Variants in TBCK observed in about 807,000 individuals in gnomAD.
TBCK encodes TBC domain-containing protein kinase-like protein.
TBCK carries 99 observed loss-of-function variants against 113.4 expected under a neutral mutation model. The observed-to-expected ratio is 0.87, with a 90% CI of 0.74 to 1.03. The LOEUF (loss-of-function observed/expected upper bound fraction) is 1.03, where lower values mean the gene tolerates loss of function less well. Ranked by LOEUF, TBCK falls within the 50% of genes least tolerant of loss-of-function variation. The pLI is 0.00. For synonymous variants in TBCK, 369 were observed against 370.8 expected, an observed-to-expected ratio of 1.00 and a Z score of 0.05; for missense variants, 1,045 against 1,061.3, an observed-to-expected ratio of 0.98 and a Z score of 0.21.
At chr4:106,230,288 T>G (rs555600041) in intron 19 of TBCK, 75 bp downstream of exon 19, 12 of 933,692 alleles carry the variant, frequency 1.3e-5, no homozygotes, top group Middle Eastern at 2.8e-4. Flanking sequence ...AATCTTAAAT[T>G]TAATCAAATA....
chr4:106,278,558 CAAAAAAAA>C (rs376599844), intron 3 of TBCK, among the ~76,000 whole-genome samples: 16 of 22,136 alleles, frequency 7.2e-4, no homozygotes, highest in Non-Finnish European at 7.5e-4. Flanking sequence ...AACTCTGTCT[CAAAAAAAA>C]AAAAAAAAAA....
At chr4:106,276,153 G>A (rs932226911) in intron 3 of TBCK, among the ~76,000 whole-genome samples, 2 of 152,046 alleles carry the variant, frequency 1.3e-5, no homozygotes, top group South Asian at 4.1e-4. Context: ...GGCACCAAAG[G>A]AATGCAATCA....
chr4:106,077,490 G>A (rs1166104009), intron 25 of TBCK, among the ~76,000 whole-genome samples: 1 of 152,114 alleles, frequency 6.6e-6, no homozygotes, highest in Non-Finnish European at 1.5e-5. Context: ...TAGGTAAATA[G>A]AAAACAGAAA....
rs1733944423 is a variant in TBCK at position 106,042,849 on chromosome 4, G to A, written c.*3721C>T. 1 of 152,130 alleles carries A rather than the reference G, an allele frequency of 6.6e-6. No individual in the cohort carries two copies. Among genetic ancestry groups the A allele is most frequent in the Admixed American group, 6.5e-5 (1 of 15,286 alleles). 9.4% of individuals were successfully genotyped at this position (152,130 alleles called of 1,614,324 possible). A position where few individuals can be genotyped will look rare whatever the true frequency, so the allele number is the denominator to read the frequency against. ...GACTTTCCACTGAACAACTCTGTCT[G>A]TAACAGATTTTTCTTCCTTCATCAA... On this transcript the variant is annotated 3_prime_UTR_variant, in exon 26 of 26. Coordinates refer to ENST00000394708, the MANE Select transcript of TBCK (RefSeq NM_001163435.3).
chr4:106,155,688 A>T lies in TBCK; in HGVS notation c.2235+15407T>A, dbSNP rs139264187. The stretch of plus-strand genomic sequence containing the variant: ...AGAGGACTGTGATGCATTCTTCAGT[A>T]TGCCAATTGCACTTTTTCAAGTATA... On this transcript the variant is annotated intron_variant, in intron 23 of 25. Transcript: ENST00000394708. Among the ~76,000 whole-genome samples, 766 of 152,202 alleles carry T rather than the reference A, an allele frequency of 5.0e-3. 4 individuals carry two copies. The highest frequency in any genetic ancestry group is 0.018 in the African/African-American group (737 of 41,534).
intron 19 of TBCK, among the ~76,000 whole-genome samples, chr4:106,215,300 G>A (rs1263833045): frequency 6.6e-6 from 1 of 151,642 alleles, no homozygotes; most frequent in Non-Finnish European, 1.5e-5. Flanking sequence ...CGAAGAAACT[G>A]CATCAACTAA....
At chr4:106,107,687 G>T (rs902236021) in intron 24 of TBCK, among the ~76,000 whole-genome samples, 4 of 152,168 alleles carry the variant, frequency 2.6e-5, no homozygotes, top group African/African-American at 7.2e-5. Context: ...AAGTTAGAAA[G>T]ATGTTAAATT....
chr4:106,171,116 T>A lies in TBCK; in HGVS notation c.2214A>T (p.Pro738=). Residue 738 remains proline (P), a synonymous_variant, in exon 23 of 26, where the codon CCA becomes CCT. Transcript: ENST00000394708. ...ATACCAGATCTGTCTTTGGAGGATC[T>A]GGACACTCAGCAGAGAAATAAGGTG... ...SSAPYFSAEC[P]DPPKTDLSRE... 1.2e-6 allele frequency: 2 copies of A among 1,610,130 alleles called. No homozygotes were observed. Among genetic ancestry groups the A allele is most frequent in the Non-Finnish European group, 1.7e-6 (2 of 1,178,734 alleles).
chr4:106,252,014 TG>T lies in TBCK; in HGVS notation c.456-8del, dbSNP rs1560912050. 6.3e-7 allele frequency: 1 copy of T among 1,586,390 alleles called. No homozygotes were observed. On this transcript the variant is annotated splice_polypyrimidine_tract_variant and splice_region_variant and intron_variant, in intron 5 of 25. Transcript: ENST00000394708. The stretch of plus-strand genomic sequence containing the variant: ...GGCCAAGTACGAGGGATACCTGTAA[TG>T]ATACATTAAAATAATGAAAAATTAC...
At chr4:106,310,959 GA>G (rs1768137239) in intron 1 of TBCK, among the ~76,000 whole-genome samples, 1 of 151,924 alleles carries the variant, frequency 6.6e-6, no homozygotes, top group Non-Finnish European at 1.5e-5. Flanking sequence ...AGAATAAAGA[GA>G]AATGGCCAAT....
chr4:106,199,438 G>C (rs1754629771), intron 20 of TBCK, among the ~76,000 whole-genome samples: 1 of 152,004 alleles, frequency 6.6e-6, no homozygotes, highest in Non-Finnish European at 1.5e-5. Flanking sequence ...TCAGTTCTTA[G>C]ATACCTTTTC....
chr4:106,056,688 T>C (rs1233569340), intron 25 of TBCK, among the ~76,000 whole-genome samples: 2 of 151,590 alleles, frequency 1.3e-5, no homozygotes, highest in African/African-American at 4.8e-5. Context: ...GGTGGTAACA[T>C]TATGGAAGGT....
intron 23 of TBCK, among the ~76,000 whole-genome samples, chr4:106,145,184 C>T (rs143943598): frequency 3.3e-5 from 5 of 151,598 alleles, no homozygotes; most frequent in South Asian, 2.1e-4. Context: ...TGGGAGTGGT[C>T]GCGTGAGCCT....
intron 25 of TBCK, among the ~76,000 whole-genome samples, chr4:106,062,013 C>T (rs1349512119): frequency 6.6e-6 from 1 of 151,772 alleles, no homozygotes; most frequent in African/African-American, 2.4e-5. Context: ...ACACTTTACA[C>T]ATAATTTCAA....
intron 22 of TBCK, among the ~76,000 whole-genome samples, chr4:106,183,734 C>T (rs766263547): frequency 1.3e-5 from 2 of 152,052 alleles, no homozygotes; most frequent in Non-Finnish European, 2.9e-5. Flanking sequence ...TATTGCTAAA[C>T]ATTATTGGAT....
intron 23 of TBCK, among the ~76,000 whole-genome samples, chr4:106,143,263 C>A (rs1747346604): frequency 6.6e-6 from 1 of 152,122 alleles, no homozygotes; most frequent in Non-Finnish European, 1.5e-5. Context: ...GTTTTTCCTG[C>A]CCCTTTTTCA....
intron 19 of TBCK, among the ~76,000 whole-genome samples, chr4:106,214,831 C>T (rs1451971960): frequency 1.3e-5 from 2 of 151,978 alleles, no homozygotes; most frequent in African/African-American, 4.8e-5. Context: ...TCTAGCAAGG[C>T]AGGCCAACGT....
intron 25 of TBCK, among the ~76,000 whole-genome samples, chr4:106,051,653 T>C (rs1405024711): frequency 6.6e-6 from 1 of 151,850 alleles, no homozygotes; most frequent in African/African-American, 2.4e-5. Flanking sequence ...TGTGTGACCA[T>C]GGCTAGGCTG....
At chr4:106,148,310 T>A (rs1445989886) in intron 23 of TBCK, among the ~76,000 whole-genome samples, 1 of 152,216 alleles carries the variant, frequency 6.6e-6, no homozygotes, top group Admixed American at 6.5e-5. Flanking sequence ...AAGTCCCTAA[T>A]AAAAACTTGC....
Sources: allele counts gnomAD v4.1 joint callset (sites outside exome capture counted in the v4.1 genomes callset), GRCh38; gene constraint gnomAD v4.1.1; transcripts MANE v1.5; gene names NCBI Gene and HGNC (gene_info 2026-07-23, HGNC 2026-07-21).